Variants in SNX29 observed in about 807,000 individuals in gnomAD.
SNX29 encodes sorting nexin-29.
In SNX29, 78 loss-of-function variants were observed where a neutral mutation model predicts 102.1. The observed-to-expected ratio is 0.76, with a 90% CI of 0.64 to 0.92. The LOEUF (loss-of-function observed/expected upper bound fraction) is 0.92. Ranked by LOEUF, SNX29 falls within the 40% of genes least tolerant of loss-of-function variation. The probability of loss-of-function intolerance (pLI) is 0.00; values close to 1 mark genes in which losing one functional copy is unlikely to be tolerated. For missense variants in SNX29, 1,280 were observed against 1,061.7 expected, an observed-to-expected ratio of 1.21 and a Z score of -2.86; for synonymous variants, 580 against 414.5, an observed-to-expected ratio of 1.40 and a Z score of -4.85.
At chr16:12,358,942 C>G (rs1322725354) in intron 16 of SNX29, among the ~76,000 whole-genome samples, 1 of 152,224 alleles carries the variant, frequency 6.6e-6, no homozygotes, top group South Asian at 2.1e-4. Flanking sequence ...TTCACTGTAT[C>G]CTTTGTAATA....
intron 19 of SNX29, among the ~76,000 whole-genome samples, chr16:12,517,596 C>T (rs955926730): frequency 2.6e-5 from 4 of 152,182 alleles, no homozygotes; most frequent in African/African-American, 9.7e-5. Flanking sequence ...GTTCTCTCAA[C>T]AAATGTGTAT....
intron 20 of SNX29, chr16:12,546,500 C>G (rs951574423): frequency 6.6e-6 from 1 of 152,174 alleles, no homozygotes; most frequent in South Asian, 2.1e-4. Context: ...AGGAAAGACT[C>G]GCCCCTGTGA....
intron 20 of SNX29, among the ~76,000 whole-genome samples, chr16:12,557,097 C>A (rs931044956): frequency 1.3e-5 from 2 of 150,850 alleles, no homozygotes; most frequent in Non-Finnish European, 2.9e-5. Flanking sequence ...CATCTAGCTG[C>A]CTCAACCTCC....
At chr16:12,304,780 C>T (rs2080287496) in intron 15 of SNX29, among the ~76,000 whole-genome samples, 1 of 152,094 alleles carries the variant, frequency 6.6e-6, no homozygotes, top group Non-Finnish European at 1.5e-5. Context: ...TATAAGTGGC[C>T]ATATTTTTTT....
chr16:12,008,093 G>A (rs982604888), intron 3 of SNX29, among the ~76,000 whole-genome samples: 3 of 151,852 alleles, frequency 2.0e-5, no homozygotes, highest in Non-Finnish European at 4.4e-5. Context: ...ACAGACGCCC[G>A]CCACCATGCC....
At chr16:12,528,284 C>G (rs1393421127) in intron 20 of SNX29, among the ~76,000 whole-genome samples, 1 of 152,170 alleles carries the variant, frequency 6.6e-6, no homozygotes, top group Non-Finnish European at 1.5e-5. Context: ...ACTGCAACCT[C>G]TACCTCCGGT....
At chr16:12,498,603 T>A (rs1336590051) in intron 19 of SNX29, among the ~76,000 whole-genome samples, 1 of 152,198 alleles carries the variant, frequency 6.6e-6, no homozygotes, top group Admixed American at 6.5e-5. Context: ...AGTTAAGGGC[T>A]CTGTTTGCAT....
intron 11 of SNX29, among the ~76,000 whole-genome samples, chr16:12,115,816 G>A (rs1225533464): frequency 1.3e-5 from 2 of 152,160 alleles, no homozygotes; most frequent in Non-Finnish European, 2.9e-5. Flanking sequence ...TACCTCGCTT[G>A]CAGCTCTCTG....
chr16:12,321,737 T>G (rs530266815), intron 15 of SNX29, among the ~76,000 whole-genome samples: 1 of 152,196 alleles, frequency 6.6e-6, no homozygotes, highest in Admixed American at 6.5e-5. Flanking sequence ...AGAAGAAACT[T>G]GGGCCCAAAC....
chr16:12,135,776 G>T, intron 13 of SNX29: 1 of 428,752 alleles, frequency 2.3e-6, no homozygotes, highest in Non-Finnish European at 4.2e-6. Context: ...ACTCATAAGA[G>T]TCCTGACTGA....
chr16:12,013,724 A>G (rs2056756330), intron 3 of SNX29, among the ~76,000 whole-genome samples: 1 of 151,094 alleles, frequency 6.6e-6, no homozygotes, highest in Non-Finnish European at 1.5e-5. Context: ...GGCTCACTGC[A>G]ACCTCTGCCT....
In SNX29 at chr16:12,042,958, C is replaced by G; in HGVS notation, c.309C>G (p.Tyr103Ter). 1 of 1,613,914 alleles carries G rather than the reference C, an allele frequency of 6.2e-7. No homozygotes were observed. Among genetic ancestry groups the G allele is most frequent in the Non-Finnish European group, 8.5e-7 (1 of 1,179,852 alleles). Residue 103 changes from tyrosine to a stop codon, truncating the protein, a stop_gained, in exon 5 of 21, where the codon TAC becomes TAG. Coordinates refer to ENST00000566228, the MANE Select transcript of SNX29 (RefSeq NM_032167.5). LOFTEE classifies it high-confidence loss of function. ...ACAAGCACGAGCTGCAGCGCTTCTA[C>G]TCCCTGCGCCACATCGCCTCAGACG... ...VLNKHELQRFYSLRHIASDVG... is the reference protein window; with the variant it reads ...VLNKHELQRF
chr16:12,522,444 T>G (rs1444846367), intron 19 of SNX29, among the ~76,000 whole-genome samples: 1 of 152,150 alleles, frequency 6.6e-6, no homozygotes, highest in African/African-American at 2.4e-5. Context: ...TTTTTATTTT[T>G]TAGAGGCAGT....
chr16:12,395,060 T>G (rs1312606684), intron 16 of SNX29, among the ~76,000 whole-genome samples: 1 of 152,348 alleles, frequency 6.6e-6, no homozygotes, highest in African/African-American at 2.4e-5. Flanking sequence ...GTGTAATTTT[T>G]CTTCTACGGC....
intron 14 of SNX29, among the ~76,000 whole-genome samples, chr16:12,266,150 ACTG>A (rs2078921306): frequency 6.6e-6 from 1 of 151,990 alleles, no homozygotes; most frequent in Non-Finnish European, 1.5e-5. Context: ...GTCTTGAACT[ACTG>A]GGCTCAAGCG....
chr16:12,151,818 C>T (rs1457325638), intron 13 of SNX29, among the ~76,000 whole-genome samples: 1 of 152,218 alleles, frequency 6.6e-6, no homozygotes, highest in East Asian at 1.9e-4. Context: ...TCACTGCAAC[C>T]TCTGCCTCCC....
intron 8 of SNX29, among the ~76,000 whole-genome samples, chr16:12,054,762 C>G (rs1231638703): frequency 6.6e-6 from 1 of 152,198 alleles, no homozygotes; most frequent in Admixed American, 6.5e-5. Flanking sequence ...CTCTGTCTCT[C>G]TCTCTTCAGG....
At chr16:12,088,007 G>C (rs1168080082) in intron 11 of SNX29, 6 of 456,560 alleles carry the variant, frequency 1.3e-5, no homozygotes, top group Admixed American at 2.3e-5. Context: ...GGTCCTTTGG[G>C]GGGTATGAGC....
At chr16:12,367,416 G>A (rs1045476313) in intron 16 of SNX29, 1 of 152,186 alleles carries the variant, frequency 6.6e-6, no homozygotes, top group Admixed American at 6.5e-5. Flanking sequence ...GTGGGTCCTC[G>A]CTGTGAGCCG....
Sources: allele counts gnomAD v4.1 joint callset (sites outside exome capture counted in the v4.1 genomes callset), GRCh38; gene constraint gnomAD v4.1.1; transcripts MANE v1.5; gene names NCBI Gene and HGNC (gene_info 2026-07-23, HGNC 2026-07-21).